RIT2: variants seen among roughly 807,000 people sequenced by gnomAD.
RIT2 encodes GTP-binding protein Rit2.
A neutral mutation model predicts 23.7 loss-of-function variants in RIT2; 24 were observed. The ratio of observed to expected loss-of-function variants is 1.01; its 90% CI spans 0.73 to 1.43. The LOEUF (loss-of-function observed/expected upper bound fraction) is 1.43. Among genes scored for constraint, RIT2 ranks in the 40% most tolerant of loss-of-function variants. The pLI is 0.00. For synonymous variants in RIT2, 107 were observed against 91.1 expected, an observed-to-expected ratio of 1.17 and a Z score of -0.99; for missense variants, 236 against 266.9, an observed-to-expected ratio of 0.88 and a Z score of 0.81.
intron 3 of RIT2, among the ~76,000 whole-genome samples, chr18:42,971,898 C>T (rs1007143220): frequency 6.6e-6 from 1 of 151,964 alleles, no homozygotes; most frequent in Non-Finnish European, 1.5e-5. Context: ...AAGTCTACAT[C>T]AATAGAAAGG....
At chr18:43,058,186 CT>C (rs1165549811) in intron 1 of RIT2, among the ~76,000 whole-genome samples, 2 of 151,916 alleles carry the variant, frequency 1.3e-5, no homozygotes, top group Admixed American at 6.6e-5. Context: ...TTGATGTGTC[CT>C]TTTTTTATGT....
chr18:42,942,589 G>A (rs1909630464), intron 3 of RIT2, among the ~76,000 whole-genome samples: 2 of 152,004 alleles, frequency 1.3e-5, no homozygotes, highest in African/African-American at 4.8e-5. Flanking sequence ...TTCTCCCCAT[G>A]TCCACGTGCG....
At chr18:42,823,859 T>C (rs1906222093) in intron 4 of RIT2, among the ~76,000 whole-genome samples, 1 of 152,132 alleles carries the variant, frequency 6.6e-6, no homozygotes, top group Admixed American at 6.6e-5. Flanking sequence ...TTGAAGCTCA[T>C]GCTCTCCCTA....
intron 3 of RIT2, among the ~76,000 whole-genome samples, chr18:42,933,983 A>C (rs1909391718): frequency 6.8e-6 from 1 of 146,890 alleles, no homozygotes; most frequent in South Asian, 2.2e-4. Context: ...ACACCACTGC[A>C]CTCCAGCCTG....
intron 3 of RIT2, among the ~76,000 whole-genome samples, chr18:42,956,133 A>G (rs1909965213): frequency 6.6e-6 from 1 of 152,148 alleles, no homozygotes; most frequent in Admixed American, 6.6e-5. Context: ...GGAGGATCAG[A>G]AGGTTTGGGT....
Position 43,071,692 on chromosome 18 carries a change from T to C in RIT2, c.104-37825A>G, listed in dbSNP as rs181700235. ...TCCAATGTGTGCTTAAGAAAGCATT[T>C]ACATTACTATATTACATTTATTAAT... is the stretch of plus-strand genomic sequence containing the variant. On this transcript the variant is annotated intron_variant, in intron 1 of 4. Coordinates refer to ENST00000326695, the MANE Select transcript of RIT2 (RefSeq NM_002930.4). Among the ~76,000 whole-genome samples, 102 of 152,314 alleles carry C rather than the reference T, an allele frequency of 6.7e-4. No individual in the cohort carries two copies. The East Asian group carries it at 0.016, about 23-fold the overall frequency.
At chr18:42,938,011 C>T (rs1340043650) in intron 3 of RIT2, among the ~76,000 whole-genome samples, 1 of 152,056 alleles carries the variant, frequency 6.6e-6, no homozygotes, top group East Asian at 1.9e-4. Context: ...AAACTTCAGC[C>T]TGAGGCACAG....
intron 1 of RIT2, among the ~76,000 whole-genome samples, chr18:43,071,057 C>T (rs969673340): frequency 2.0e-5 from 3 of 152,060 alleles, no homozygotes; most frequent in Non-Finnish European, 2.9e-5. Context: ...CAAAGTGAAA[C>T]GTATATTTTT....
At position 43,031,101 on chromosome 18, in the gene RIT2, C is replaced by T. The variant is rs75082585; in HGVS notation, c.160+2710G>A. ...TGCTTCACCCTTGGTCTTCTGGTTCCCAAAATGCCCCAGCTTTGTCACTTG... is the reference window on the plus strand; with the variant it reads ...TGCTTCACCCTTGGTCTTCTGGTTCTCAAAATGCCCCAGCTTTGTCACTTG... On this transcript the variant is annotated intron_variant, in intron 2 of 4. Transcript: ENST00000326695. 1.2e-3 allele frequency among the ~76,000 whole-genome samples: 181 copies of T among 151,536 alleles called. 1 individual carries two copies. Among genetic ancestry groups the T allele is most frequent in the African/African-American group, 4.1e-3 (171 of 41,284 alleles).
chr18:42,806,934 AATT>A (rs1372062866), intron 4 of RIT2, among the ~76,000 whole-genome samples: 1 of 152,226 alleles, frequency 6.6e-6, no homozygotes, highest in Non-Finnish European at 1.5e-5. Flanking sequence ...GGGTTAAAAG[AATT>A]ATTATTCTCT....
intron 4 of RIT2, among the ~76,000 whole-genome samples, chr18:42,775,691 C>T (rs1913653719): frequency 8.8e-6 from 1 of 113,626 alleles, no homozygotes. Flanking sequence ...AGCGAGACTC[C>T]ATCTCAAAAA....
chr18:42,922,164 GCA>G (rs1195442472), intron 4 of RIT2, among the ~76,000 whole-genome samples: 4 of 152,114 alleles, frequency 2.6e-5, no homozygotes, highest in Non-Finnish European at 5.9e-5. Flanking sequence ...AAAATGCATT[GCA>G]CTAAATCATA....
intron 2 of RIT2, among the ~76,000 whole-genome samples, chr18:43,007,920 T>C (rs1911263257): frequency 6.6e-6 from 1 of 151,642 alleles, no homozygotes; most frequent in South Asian, 2.1e-4. Flanking sequence ...GTAGAAAAGA[T>C]AGAGTTGGGA....
intron 4 of RIT2, among the ~76,000 whole-genome samples, chr18:42,850,697 T>C (rs1907029195): frequency 6.6e-6 from 1 of 152,164 alleles, no homozygotes; most frequent in South Asian, 2.1e-4. Flanking sequence ...ATATCTACCT[T>C]ATTATTTTTC....
chr18:43,022,271 A>T (rs1228793125), intron 2 of RIT2, among the ~76,000 whole-genome samples: 1 of 152,078 alleles, frequency 6.6e-6, no homozygotes, highest in Non-Finnish European at 1.5e-5. Flanking sequence ...TAGAGAGTAG[A>T]ATGATATTTA....
intron 1 of RIT2, among the ~76,000 whole-genome samples, chr18:43,099,324 T>C (rs1369921618): frequency 1.3e-5 from 2 of 151,986 alleles, no homozygotes; most frequent in African/African-American, 4.8e-5. Flanking sequence ...AAGGTTATAA[T>C]GATCTATAAG....
chr18:42,931,963 A>C (rs1909336804), intron 3 of RIT2, among the ~76,000 whole-genome samples: 1 of 152,172 alleles, frequency 6.6e-6, no homozygotes, highest in South Asian at 2.1e-4. Flanking sequence ...TTCTCTGAAA[A>C]AGCTTCACCA....
At chr18:42,752,405 C>T (rs563720485) in intron 4 of RIT2, among the ~76,000 whole-genome samples, 1 of 152,112 alleles carries the variant, frequency 6.6e-6, no homozygotes, top group African/African-American at 2.4e-5. Flanking sequence ...GAAAGAAGCA[C>T]AATGGTAGAA....
intron 2 of RIT2, among the ~76,000 whole-genome samples, chr18:42,976,134 A>C (rs1411793754): frequency 6.6e-6 from 1 of 152,120 alleles, no homozygotes; most frequent in Non-Finnish European, 1.5e-5. Flanking sequence ...GTGATTGGAA[A>C]AGATACTTTG....
Sources: allele counts gnomAD v4.1 joint callset (sites outside exome capture counted in the v4.1 genomes callset), GRCh38; gene constraint gnomAD v4.1.1; transcripts MANE v1.5; gene names NCBI Gene and HGNC (gene_info 2026-07-23, HGNC 2026-07-21).